The following NIPA1 variants were observed in gnomAD, a reference collection of about 807,000 sequenced individuals.
NIPA1 encodes magnesium transporter NIPA1.
A neutral mutation model predicts 23.9 loss-of-function variants in NIPA1; 13 were observed. The ratio of observed to expected loss-of-function variants is 0.54; its 90% CI spans 0.35 to 0.87. NIPA1 has a LOEUF of 0.87. Ranked by LOEUF, NIPA1 falls within the 40% of genes least tolerant of loss-of-function variation. NIPA1 has a pLI of 0.01. For missense variants in NIPA1, 362 were observed against 429.7 expected, an observed-to-expected ratio of 0.84 and a Z score of 1.39; for synonymous variants, 234 against 202.9, an observed-to-expected ratio of 1.15 and a Z score of -1.30.
intron 1 of NIPA1, 21 bp downstream of exon 1, chr15:22,786,855 C>T (rs1392990570): frequency 8.1e-6 from 4 of 490,892 alleles, no homozygotes; most frequent in African/African-American, 2.3e-5. Context: ...CGGCAGGCGG[C>T]AGGCGGCGGG....
At chr15:22,813,385 G>A (rs759596828) in intron 3 of NIPA1, among the ~76,000 whole-genome samples, 62 of 152,038 alleles carry the variant, frequency 4.1e-4, no homozygotes, top group Middle Eastern at 3.2e-3. Context: ...CCAGTTGTGG[G>A]GCAAAGGGGA....
In NIPA1 at chr15:22,829,601, A is replaced by G. The variant is rs1895714380; in HGVS notation, c.*5362A>G. 6.6e-6 allele frequency: 1 copy of G among 152,164 alleles called. No individual in the cohort carries two copies. The highest frequency in any genetic ancestry group is 2.4e-5 in the African/African-American group (1 of 41,424). 9.4% of individuals were successfully genotyped at this position (152,164 alleles called of 1,614,324 possible). On this transcript the variant is annotated 3_prime_UTR_variant, in exon 5 of 5. Transcript: ENST00000337435. ...TGTAAAAGTTTTGTCATAGACATGT[A>G]TTGGGGAGCTTCCAATTAGCATACA...
chr15:22,816,314 G>GA (rs1436696656), intron 3 of NIPA1, among the ~76,000 whole-genome samples: 1 of 144,994 alleles, frequency 6.9e-6, no homozygotes, highest in African/African-American at 2.6e-5. Context: ...TCAGCCTCCC[G>GA]AGTAGCTGGG....
chr15:22,824,809 T>C lies in NIPA1; in HGVS notation c.*570T>C, dbSNP rs1025546061. On this transcript the variant is annotated 3_prime_UTR_variant, in exon 5 of 5. Transcript: ENST00000337435. The surrounding 1 kb of genome is among the most constrained non-coding windows in gnomAD (Gnocchi z 4.1). ...CCCACCCCCACCCAAGACATTTTAA[T>C]AGTAAATAGAGAGAGAGAGAAGAGT... The C allele has an allele frequency of 1.6e-5, 2 of 127,670 alleles. No homozygotes were observed. Among genetic ancestry groups the C allele is most frequent in the African/African-American group, 6.4e-5 (2 of 31,486 alleles). 7.9% of individuals were successfully genotyped at this position (127,670 alleles called of 1,614,324 possible).
At chr15:22,806,332 G>A (rs7168367) in intron 1 of NIPA1, among the ~76,000 whole-genome samples, 49,591 of 152,124 alleles carry the variant, frequency 0.33, 13,611 homozygotes, top group African/African-American at 0.74. Flanking sequence ...TGTCATCCTG[G>A]CAAGGCTCTT....
chr15:22,803,503 C>CTTCT (rs1895132021), intron 1 of NIPA1, among the ~76,000 whole-genome samples: 1 of 69,332 alleles, frequency 1.4e-5, no homozygotes, highest in African/African-American at 6.0e-5. Context: ...TTAAAAGTGC[C>CTTCT]TTTTTTTTTT....
intron 3 of NIPA1, among the ~76,000 whole-genome samples, chr15:22,816,746 C>T (rs1383222325): frequency 5.9e-5 from 9 of 151,576 alleles, no homozygotes; most frequent in Admixed American, 5.3e-4. Flanking sequence ...CCACTTTGGC[C>T]TCCCAAAGTG....
At chr15:22,787,911 T>TA (rs1422393555) in intron 1 of NIPA1, among the ~76,000 whole-genome samples, 1 of 152,114 alleles carries the variant, frequency 6.6e-6, no homozygotes, top group Non-Finnish European at 1.5e-5. Flanking sequence ...ATGGATAATT[T>TA]AAGGAATTTA....
At position 22,825,507 on chromosome 15, in the gene NIPA1, C is replaced by G. The variant is rs1287650313; in HGVS notation, c.*1268C>G. 1 of 152,120 alleles carries G rather than the reference C, an allele frequency of 6.6e-6. No homozygotes were observed. The highest frequency in any genetic ancestry group is 1.5e-5 in the Non-Finnish European group (1 of 68,024). 9.4% of individuals were successfully genotyped at this position (152,120 alleles called of 1,614,324 possible). A position where few individuals can be genotyped will look rare whatever the true frequency, so the allele number is the denominator to read the frequency against. ...TTTATTTGTATTCGATCTGTGTTACCTGGGATCCAGTATCAAATATATCCA... is the reference window on the plus strand; with the variant it reads ...TTTATTTGTATTCGATCTGTGTTACGTGGGATCCAGTATCAAATATATCCA... On this transcript the variant is annotated 3_prime_UTR_variant, in exon 5 of 5. Coordinates refer to ENST00000337435, the MANE Select transcript of NIPA1 (RefSeq NM_144599.5).
intron 1 of NIPA1, among the ~76,000 whole-genome samples, chr15:22,796,919 T>C (rs1457775165): frequency 6.6e-6 from 1 of 152,188 alleles, no homozygotes; most frequent in Admixed American, 6.5e-5. Context: ...TAAAAAGCAT[T>C]TTTTCCTGAT....
At chr15:22,821,609 G>A (rs1027758281) in intron 4 of NIPA1, among the ~76,000 whole-genome samples, 6 of 145,906 alleles carry the variant, frequency 4.1e-5, no homozygotes, top group African/African-American at 1.3e-4. Context: ...GTCCACACTG[G>A]CTGGTTTGCA....
intron 1 of NIPA1, among the ~76,000 whole-genome samples, chr15:22,804,594 G>A (rs932862001): frequency 1.4e-4 from 21 of 152,070 alleles, no homozygotes; most frequent in African/African-American, 4.1e-4. Flanking sequence ...AGTGTTTAGC[G>A]TTAGGTCCGT....
chr15:22,789,871 T>TGCAGCCCCCGCCTCCTAGGCTCAA (rs1894792898), intron 1 of NIPA1, among the ~76,000 whole-genome samples: 1 of 151,960 alleles, frequency 6.6e-6, no homozygotes, highest in African/African-American at 2.4e-5. Flanking sequence ...CTTGGCTCAT[T>TGCAGCCCCCGCCTCCTAGGCTCAA]GCAGCCCCCG....
Position 22,819,860 on chromosome 15 carries a change from T to C in NIPA1, c.318-453T>C, listed in dbSNP as rs78628439. Among the ~76,000 whole-genome samples the C allele has an allele frequency of 3.8e-3, 583 of 152,336 alleles. 3 individuals carry two copies. The highest frequency in any genetic ancestry group is 0.013 in the African/African-American group (548 of 41,580). On this transcript the variant is annotated intron_variant, in intron 3 of 4. Transcript: ENST00000337435. ...CATAGTAATATAGTGGTGTAAATTA[T>C]GTGTATCATTAACTACGTAGTGGTT...
intron 3 of NIPA1, among the ~76,000 whole-genome samples, 160 bp from the exon 4 acceptor site, chr15:22,820,153 C>T (rs528563010): frequency 6.6e-6 from 1 of 152,212 alleles, no homozygotes; most frequent in African/African-American, 2.4e-5. Flanking sequence ...GCTGTGATTG[C>T]ACCACTGCAC....
chr15:22,788,582 G>A (rs148918144), intron 1 of NIPA1, among the ~76,000 whole-genome samples: 333 of 151,748 alleles, frequency 2.2e-3, no homozygotes, highest in Non-Finnish European at 3.8e-3. Flanking sequence ...ACAACCAGGA[G>A]GAGCCTAAGA....
intron 1 of NIPA1, among the ~76,000 whole-genome samples, chr15:22,798,849 A>AAC (rs1555372417): frequency 6.6e-6 from 1 of 151,234 alleles, no homozygotes; most frequent in Non-Finnish European, 1.5e-5. Flanking sequence ...AAAAAAAAAA[A>AAC]AAAAAAAAAA....
intron 1 of NIPA1, among the ~76,000 whole-genome samples, chr15:22,805,150 C>A (rs1278357896): frequency 1.3e-5 from 2 of 152,048 alleles, no homozygotes; most frequent in Non-Finnish European, 2.9e-5. Context: ...TATGGTAAAT[C>A]TTAAAATTAG....
chr15:22,823,589 C>T (rs1213430277), intron 4 of NIPA1, 139 bp from the exon 5 acceptor site: 2 of 774,506 alleles, frequency 2.6e-6, no homozygotes, highest in East Asian at 2.7e-5. Context: ...AGCCAGAGCC[C>T]ACATGCTCCC....
Sources: gnomAD v4.1 joint callset for allele counts (sites outside exome capture counted in the v4.1 genomes callset) on GRCh38, gnomAD v4.1.1 for gene constraint, Gnocchi (gnomAD v3.1) non-coding constraint, MANE v1.5 for transcripts, NCBI Gene and HGNC (gene_info 2026-07-23, HGNC 2026-07-21) for gene names.